AUTS2: variants seen among roughly 807,000 people sequenced by gnomAD.
The protein encoded by AUTS2 is autism susceptibility gene 2 protein.
A neutral mutation model predicts 112.4 loss-of-function variants in AUTS2; 17 were observed. The ratio of observed to expected loss-of-function variants is 0.15; its 90% CI spans 0.10 to 0.23. The LOEUF (loss-of-function observed/expected upper bound fraction) is 0.23. AUTS2 is among the 10% of genes least tolerant of loss of function. The pLI is 1.00. For synonymous variants in AUTS2, 751 were observed against 702.7 expected (o/e 1.07, Z -1.09); for missense variants, 1,510 against 1,701.6 (o/e 0.89, Z 1.98).
chr7:69,904,449 T>C (rs1378041120), intron 2 of AUTS2, among the ~76,000 whole-genome samples: 1 of 152,206 alleles, frequency 6.6e-6, no homozygotes, highest in East Asian at 1.9e-4. Flanking sequence ...CAGGTATTTA[T>C]CCAGCTTGAC....
chr7:69,668,154 C>T (rs535226162), intron 1 of AUTS2, among the ~76,000 whole-genome samples: 4 of 152,124 alleles, frequency 2.6e-5, no homozygotes, highest in Admixed American at 2.6e-4. Context: ...CCAGATATTC[C>T]CTGTTGTTGG....
chr7:70,147,687 T>C (rs1370410550), intron 4 of AUTS2, among the ~76,000 whole-genome samples: 1 of 152,170 alleles, frequency 6.6e-6, no homozygotes, highest in African/African-American at 2.4e-5. Context: ...TAATTTAGCA[T>C]ATAAGCCTTT....
At chr7:70,494,285 A>AT (rs565137296) in intron 5 of AUTS2, among the ~76,000 whole-genome samples, 57 of 150,180 alleles carry the variant, frequency 3.8e-4, no homozygotes, top group African/African-American at 8.6e-4. Flanking sequence ...AGGCTTGGGT[A>AT]TTTTTTTTTT....
chr7:69,739,800 G>A (rs1406951376), intron 1 of AUTS2, among the ~76,000 whole-genome samples: 7 of 152,180 alleles, frequency 4.6e-5, no homozygotes, highest in Admixed American at 3.9e-4. Context: ...CATAGTATAT[G>A]CAGTCTGTGC....
chr7:70,185,577 G>T (rs1809558025), intron 4 of AUTS2, among the ~76,000 whole-genome samples: 1 of 152,206 alleles, frequency 6.6e-6, no homozygotes, highest in Admixed American at 6.5e-5. Flanking sequence ...TGTGAAGAAA[G>T]AAGAGCTAAT....
chr7:70,431,498 G>A (rs1398624631), intron 4 of AUTS2, among the ~76,000 whole-genome samples: 2 of 152,088 alleles, frequency 1.3e-5, no homozygotes, highest in African/African-American at 4.8e-5. Context: ...CGATTCTCCT[G>A]ACTCAGCCTC....
intron 1 of AUTS2, among the ~76,000 whole-genome samples, chr7:69,602,989 G>T (rs1304557787): frequency 6.6e-6 from 1 of 152,198 alleles, no homozygotes; most frequent in Admixed American, 6.5e-5. Context: ...TTGGGAACAG[G>T]CAACTAAACT....
chr7:70,239,457 CAG>C (rs1166841975), intron 4 of AUTS2, among the ~76,000 whole-genome samples: 2 of 151,934 alleles, frequency 1.3e-5, no homozygotes, highest in Admixed American at 6.6e-5. Flanking sequence ...GTTTTTGAGA[CAG>C]AGTTTCCCTC....
At chr7:70,050,230 A>C (rs1430837647) in intron 2 of AUTS2, among the ~76,000 whole-genome samples, 1 of 151,334 alleles carries the variant, frequency 6.6e-6, no homozygotes, top group Non-Finnish European at 1.5e-5. Context: ...GGTGGTGCGC[A>C]CCTGTAGTCC....
intron 2 of AUTS2, among the ~76,000 whole-genome samples, chr7:69,959,919 A>G (rs1271731181): frequency 6.6e-6 from 1 of 152,064 alleles, no homozygotes; most frequent in Non-Finnish European, 1.5e-5. Flanking sequence ...TCTGAGTCCG[A>G]GTCTGTCTTG....
intron 4 of AUTS2, among the ~76,000 whole-genome samples, chr7:70,328,465 T>C (rs1790594223): frequency 6.6e-6 from 1 of 152,070 alleles, no homozygotes; most frequent in African/African-American, 2.4e-5. Context: ...CAAATGATCT[T>C]CCCACCTTTG....
chr7:70,628,271 A>C (rs979113400), intron 5 of AUTS2, among the ~76,000 whole-genome samples: 2 of 116,916 alleles, frequency 1.7e-5, no homozygotes, highest in Admixed American at 9.0e-5. Context: ...GCCCCTGGGG[A>C]GGGGCCACAT....
At chr7:69,929,878 G>A (rs371804086) in intron 2 of AUTS2, among the ~76,000 whole-genome samples, 1 of 152,104 alleles carries the variant, frequency 6.6e-6, no homozygotes, top group East Asian at 1.9e-4. Context: ...TGTGTAACTG[G>A]TGATCTTTGG....
intron 2 of AUTS2, among the ~76,000 whole-genome samples, chr7:70,070,306 C>T (rs1584672400): frequency 6.6e-6 from 1 of 151,728 alleles, no homozygotes; most frequent in Admixed American, 6.6e-5. Flanking sequence ...ATGCTGGGCG[C>T]AGTGGCCTGT....
chr7:70,289,881 A>G (rs1361829808), intron 4 of AUTS2, among the ~76,000 whole-genome samples: 2 of 152,242 alleles, frequency 1.3e-5, no homozygotes, highest in African/African-American at 2.4e-5. Context: ...AAATAACTAA[A>G]TTCTCTATTA....
chr7:69,662,881 A>G (rs929541751), intron 1 of AUTS2, among the ~76,000 whole-genome samples: 1 of 152,202 alleles, frequency 6.6e-6, no homozygotes, highest in African/African-American at 2.4e-5. Flanking sequence ...ACACAATATA[A>G]GAGTTGAAAA....
chr7:70,322,934 A>G (rs1562879252), intron 4 of AUTS2, among the ~76,000 whole-genome samples: 1 of 152,138 alleles, frequency 6.6e-6, no homozygotes, highest in Non-Finnish European at 1.5e-5. Context: ...AGCACTTTAC[A>G]TGTGTTGCCT....
intron 2 of AUTS2, among the ~76,000 whole-genome samples, chr7:70,033,681 C>T (rs1408491891): frequency 1.3e-5 from 2 of 152,104 alleles, no homozygotes; most frequent in African/African-American, 4.8e-5. Flanking sequence ...GAATCTTCTG[C>T]ATTATATCAG....
intron 6 of AUTS2, among the ~76,000 whole-genome samples, chr7:70,709,347 G>A (rs952822861): frequency 6.6e-6 from 1 of 152,148 alleles, no homozygotes; most frequent in Non-Finnish European, 1.5e-5. Flanking sequence ...TTTCTCATGG[G>A]TATCATGAGA....
Sources: gnomAD v4.1 joint callset for allele counts (sites outside exome capture counted in the v4.1 genomes callset) on GRCh38, gnomAD v4.1.1 for gene constraint, MANE v1.5 for transcripts, NCBI Gene and HGNC (gene_info 2026-07-23, HGNC 2026-07-21) for gene names.